NELL1: variants seen among roughly 807,000 people sequenced by gnomAD.
NELL1 encodes protein kinase C-binding protein NELL1.
Under a neutral mutation model 107.4 loss-of-function variants are expected in NELL1, and 76 were observed. The ratio of observed to expected loss-of-function variants is 0.71; its 90% CI spans 0.59 to 0.86. NELL1 has a LOEUF of 0.86. Ranked by LOEUF, NELL1 falls within the 40% of genes least tolerant of loss-of-function variation. NELL1 has a pLI of 0.00. For missense variants in NELL1, 1,024 were observed against 1,005.5 expected, an observed-to-expected ratio of 1.02 and a Z score of -0.25; for synonymous variants, 353 against 341.2, an observed-to-expected ratio of 1.03 and a Z score of -0.38.
chr11:21,452,561 A>G (rs896489686), intron 15 of NELL1, among the ~76,000 whole-genome samples: 5 of 152,000 alleles, frequency 3.3e-5, no homozygotes, highest in Non-Finnish European at 7.4e-5. Flanking sequence ...TTTTCTTCTT[A>G]TAATTCTGTC....
At chr11:21,034,439 A>G (rs1853037966) in intron 12 of NELL1, among the ~76,000 whole-genome samples, 1 of 152,216 alleles carries the variant, frequency 6.6e-6, no homozygotes, top group Non-Finnish European at 1.5e-5. Context: ...AAATAACAGA[A>G]TATACATTCT....
rs554270144 is a variant in NELL1, at chr11:21,513,978, G to T, written c.1646-20396G>T. On this transcript the variant is annotated intron_variant, in intron 15 of 19. Transcript: ENST00000357134. ...GCCTAGGACTGAGCATACCAATGCTGGTATTGAAATATTAGCATTTCCAGC... is the reference window on the plus strand; with the variant it reads ...GCCTAGGACTGAGCATACCAATGCTTGTATTGAAATATTAGCATTTCCAGC... Among the ~76,000 whole-genome samples the T allele has an allele frequency of 2.6e-5, 4 of 152,142 alleles. No individual in the cohort carries two copies. In the South Asian group the frequency reaches 6.2e-4, roughly 24 times the overall value.
At chr11:21,513,030 G>A (rs1855477240) in intron 15 of NELL1, among the ~76,000 whole-genome samples, 1 of 152,156 alleles carries the variant, frequency 6.6e-6, no homozygotes, top group African/African-American at 2.4e-5. Flanking sequence ...CAGTAGTCAA[G>A]GTGATTGGAC....
At chr11:21,552,460 T>G (rs1395214082) in intron 16 of NELL1, among the ~76,000 whole-genome samples, 1 of 151,486 alleles carries the variant, frequency 6.6e-6, no homozygotes, top group East Asian at 2.0e-4. Context: ...CAACTTAGTT[T>G]GGCTTATATG....
chr11:20,910,236 G>A (rs1850096585), intron 5 of NELL1, among the ~76,000 whole-genome samples: 2 of 152,282 alleles, frequency 1.3e-5, no homozygotes, highest in Admixed American at 6.5e-5. Context: ...TTTCAAGGTA[G>A]AGTAGATGTT....
intron 15 of NELL1, among the ~76,000 whole-genome samples, chr11:21,400,602 A>G (rs570425020): frequency 9.0e-4 from 137 of 152,004 alleles, no homozygotes; most frequent in Admixed American, 3.2e-3. Context: ...TGATGTTCTC[A>G]ATGTCTTTAC....
At chr11:21,558,552 A>C (rs1856775618) in intron 16 of NELL1, among the ~76,000 whole-genome samples, 1 of 151,950 alleles carries the variant, frequency 6.6e-6, no homozygotes, top group South Asian at 2.1e-4. Context: ...GAAATTTTGT[A>C]TTCACTGCTT....
chr11:21,250,255 T>C (rs1858603951), intron 14 of NELL1, among the ~76,000 whole-genome samples: 1 of 152,168 alleles, frequency 6.6e-6, no homozygotes, highest in Non-Finnish European at 1.5e-5. Flanking sequence ...AATTTGCAGT[T>C]ATTTAACATA....
chr11:20,876,256 T>C (rs1341652222), intron 4 of NELL1, among the ~76,000 whole-genome samples: 1 of 152,118 alleles, frequency 6.6e-6, no homozygotes, highest in Non-Finnish European at 1.5e-5. Context: ...TCTCTTCCCA[T>C]TACAGTCTGT....
At chr11:20,687,690 C>A (rs532643856) in intron 2 of NELL1, among the ~76,000 whole-genome samples, 102 of 151,946 alleles carry the variant, frequency 6.7e-4, no homozygotes, top group African/African-American at 2.4e-3. Context: ...CTCCTGGGTT[C>A]AAGCGATTCT....
chr11:20,876,547 G>A (rs1321851804), intron 4 of NELL1, among the ~76,000 whole-genome samples: 1 of 152,094 alleles, frequency 6.6e-6, no homozygotes, highest in Non-Finnish European at 1.5e-5. Context: ...GGTGGATCTC[G>A]AGGTCAGGAG....
intron 2 of NELL1, among the ~76,000 whole-genome samples, chr11:20,734,066 G>A (rs776533369): frequency 1.3e-5 from 2 of 152,164 alleles, no homozygotes; most frequent in Non-Finnish European, 2.9e-5. Context: ...ACCTACCTGA[G>A]GTGATGGAAG....
chr11:21,010,531 C>G (rs111557927), intron 12 of NELL1, among the ~76,000 whole-genome samples: 1 of 152,242 alleles, frequency 6.6e-6, no homozygotes, highest in Non-Finnish European at 1.5e-5. Context: ...TTTGACCTAA[C>G]AGCTGACTGA....
chr11:21,331,522 A>G (rs1850272530), intron 14 of NELL1, among the ~76,000 whole-genome samples: 1 of 152,072 alleles, frequency 6.6e-6, no homozygotes. Flanking sequence ...GTTTTCTCAG[A>G]ACTATCCTTG....
intron 15 of NELL1, among the ~76,000 whole-genome samples, chr11:21,407,187 G>T (rs1053964534): frequency 2.6e-5 from 4 of 152,030 alleles, no homozygotes; most frequent in Admixed American, 6.6e-5. Flanking sequence ...AGGCCAAAGT[G>T]GGCAGATCAC....
intron 2 of NELL1, among the ~76,000 whole-genome samples, chr11:20,680,640 C>T (rs1324105982): frequency 6.6e-6 from 1 of 152,144 alleles, no homozygotes; most frequent in Non-Finnish European, 1.5e-5. Flanking sequence ...TTGTGAAATT[C>T]AGCAGTGCAA....
At chr11:20,729,285 A>T (rs1855576840) in intron 2 of NELL1, among the ~76,000 whole-genome samples, 1 of 152,062 alleles carries the variant, frequency 6.6e-6, no homozygotes, top group Admixed American at 6.6e-5. Flanking sequence ...TGACCTATTT[A>T]GATGCCTCTT....
chr11:21,074,677 G>GT (rs5790158), intron 12 of NELL1, among the ~76,000 whole-genome samples: 2 of 151,306 alleles, frequency 1.3e-5, no homozygotes, highest in South Asian at 2.1e-4. Context: ...TTACACATGT[G>GT]TTTTTTTTTT....
intron 14 of NELL1, among the ~76,000 whole-genome samples, chr11:21,248,066 C>T (rs367674351): frequency 7.2e-5 from 11 of 152,232 alleles, no homozygotes; most frequent in African/African-American, 1.9e-4. Flanking sequence ...AGCAGGAGGC[C>T]GGGTGCAGTG....
Sources: allele counts gnomAD v4.1 joint callset (sites outside exome capture counted in the v4.1 genomes callset), GRCh38; gene constraint gnomAD v4.1.1; transcripts MANE v1.5; gene names NCBI Gene and HGNC (gene_info 2026-07-23, HGNC 2026-07-21).